Variants in ASCC3 observed in about 807,000 individuals in gnomAD.
ASCC3 encodes activating signal cointegrator 1 complex subunit 3, also known as ASC-1 complex subunit P200.
A neutral mutation model predicts 256.3 loss-of-function variants in ASCC3; 158 were observed. The ratio of observed to expected loss-of-function variants is 0.62; its 90% CI spans 0.54 to 0.70. The LOEUF is 0.70. ASCC3 is among the 30% of genes least tolerant of loss of function. The pLI, the probability that ASCC3 is intolerant of heterozygous loss-of-function variation, is 0.00. For synonymous variants in ASCC3, 948 were observed against 883.4 expected (o/e 1.07, Z -1.30); for missense variants, 2,259 against 2,626.0 (o/e 0.86, Z 3.05).
intron 13 of ASCC3, among the ~76,000 whole-genome samples, chr6:100,705,798 T>G (rs1042285447): frequency 7.2e-5 from 11 of 151,940 alleles, no homozygotes; most frequent in African/African-American, 2.7e-4. Context: ...AATAACAGTT[T>G]ACGTACACAG....
intron 36 of ASCC3, among the ~76,000 whole-genome samples, chr6:100,567,469 G>A (rs897388927): frequency 6.6e-6 from 1 of 152,066 alleles, no homozygotes; most frequent in African/African-American, 2.4e-5. Flanking sequence ...TTTGTTACCT[G>A]GTATACTGTG....
At chr6:100,847,982 A>G in intron 4 of ASCC3, 166 bp downstream of exon 4, 2 of 605,844 alleles carry the variant, frequency 3.3e-6, no homozygotes, top group Non-Finnish European at 5.4e-6. Flanking sequence ...GTAACTATCC[A>G]TTAGGAACGT....
intron 36 of ASCC3, among the ~76,000 whole-genome samples, chr6:100,571,449 C>T (rs1253629110): frequency 6.6e-6 from 1 of 152,064 alleles, no homozygotes; most frequent in African/African-American, 2.4e-5. Flanking sequence ...TATTCTTGGC[C>T]AACTCCACTA....
chr6:100,565,674 G>A (rs1770204575), intron 36 of ASCC3, among the ~76,000 whole-genome samples: 1 of 152,056 alleles, frequency 6.6e-6, no homozygotes, highest in Admixed American at 6.6e-5. Context: ...ATTAACCTGG[G>A]GAGAGAGGAC....
chr6:100,591,227 T>G (rs1771983930), intron 34 of ASCC3, among the ~76,000 whole-genome samples: 1 of 152,186 alleles, frequency 6.6e-6, no homozygotes, highest in Non-Finnish European at 1.5e-5. Flanking sequence ...ACCAAAATTA[T>G]TAACCATTAG....
intron 10 of ASCC3, among the ~76,000 whole-genome samples, chr6:100,732,581 C>T (rs1474174823): frequency 6.6e-6 from 1 of 152,034 alleles, no homozygotes; most frequent in Non-Finnish European, 1.5e-5. Context: ...TAAACTTAAC[C>T]ACAATTTATG....
At chr6:100,807,093 T>C (rs1266086156) in intron 4 of ASCC3, among the ~76,000 whole-genome samples, 1 of 151,878 alleles carries the variant, frequency 6.6e-6, no homozygotes, top group East Asian at 1.9e-4. Context: ...ATTAACACTG[T>C]TGAATATTTT....
chr6:100,778,673 TAATA>T (rs1160702423), intron 8 of ASCC3, among the ~76,000 whole-genome samples: 1 of 152,044 alleles, frequency 6.6e-6, no homozygotes, highest in Non-Finnish European at 1.5e-5. Flanking sequence ...TAACATAACT[TAATA>T]AACAAATTTT....
chr6:100,773,003 C>T (rs2115148003), intron 8 of ASCC3, among the ~76,000 whole-genome samples: 1 of 152,206 alleles, frequency 6.6e-6, no homozygotes, highest in Non-Finnish European at 1.5e-5. Flanking sequence ...GGGCTAAGCA[C>T]AGGAGTCCTT....
intron 30 of ASCC3, among the ~76,000 whole-genome samples, chr6:100,612,423 T>C (rs928747531): frequency 6.6e-6 from 1 of 152,088 alleles, no homozygotes; most frequent in Non-Finnish European, 1.5e-5. Flanking sequence ...TTTCTCATTT[T>C]CACAGAATCC....
In ASCC3 at chr6:100,715,503, A is replaced by G; in HGVS notation, c.2110T>C (p.Cys704Arg). 1.2e-6 allele frequency: 2 copies of G among 1,611,306 alleles called. No homozygotes were observed. The highest frequency in any genetic ancestry group is 1.7e-6 in the Non-Finnish European group (2 of 1,178,184). The change falls in exon 13 of 42, where the codon TGT (cysteine) becomes CGT (arginine). Residue 704 changes from cysteine (C) to arginine (R), a missense_variant. Transcript: ENST00000369162. ...ACTTGCTTCAAAACATTTTCATAAC[A>G]TACTTCATCCATGTTATTCAACTGC... ...MQQLNNMDEV[C>R]YENVLKQVKA...
At chr6:100,533,028 A>C (rs1328545640) in intron 37 of ASCC3, among the ~76,000 whole-genome samples, 1 of 152,012 alleles carries the variant, frequency 6.6e-6, no homozygotes, top group African/African-American at 2.4e-5. Flanking sequence ...ATTTTGAGTT[A>C]TAGTTATTGT....
At chr6:100,859,336 T>G in intron 3 of ASCC3, 1 of 720,502 alleles carries the variant, frequency 1.4e-6, no homozygotes, top group South Asian at 1.5e-5. Context: ...TTTTGCAGTT[T>G]TTCTAGGTAT....
chr6:100,832,686 T>C (rs1771680474), intron 4 of ASCC3, among the ~76,000 whole-genome samples: 1 of 151,922 alleles, frequency 6.6e-6, no homozygotes, highest in Non-Finnish European at 1.5e-5. Flanking sequence ...AATTTAAGAG[T>C]ATGCACCAGA....
At chr6:100,785,723 TATAA>T (rs1769038565) in intron 8 of ASCC3, among the ~76,000 whole-genome samples, 8 of 152,152 alleles carry the variant, frequency 5.3e-5, no homozygotes, top group Non-Finnish European at 8.8e-5. Context: ...ATTTACACTG[TATAA>T]AATACTGACA....
At chr6:100,616,992 CGTTGTTGTTGTTGTTGTT>C in intron 30 of ASCC3, among the ~76,000 whole-genome samples, 1 of 151,208 alleles carries the variant, frequency 6.6e-6, no homozygotes, top group African/African-American at 2.4e-5. Flanking sequence ...TTGTTGTTGT[CGTTGTTGTTGTTGTTGTT>C]GTTGTTGTTG....
intron 7 of ASCC3, 146 bp downstream of exon 7, chr6:100,799,285 C>T: frequency 1.2e-6 from 1 of 856,508 alleles, no homozygotes; most frequent in Non-Finnish European, 1.8e-6. Flanking sequence ...TTACATACAC[C>T]ACATTATGTC....
At chr6:100,731,596 C>G (rs1185537187) in intron 10 of ASCC3, among the ~76,000 whole-genome samples, 1 of 152,196 alleles carries the variant, frequency 6.6e-6, no homozygotes, top group Non-Finnish European at 1.5e-5. Context: ...AGACAGTTTG[C>G]TGTTCACATG....
At chr6:100,538,954 C>T (rs193217568) in intron 37 of ASCC3, among the ~76,000 whole-genome samples, 1 of 152,076 alleles carries the variant, frequency 6.6e-6, no homozygotes, top group African/African-American at 2.4e-5. Context: ...ATTCTTCCCC[C>T]ACCAAAACCG....
Sources: gnomAD v4.1 joint callset for allele counts (sites outside exome capture counted in the v4.1 genomes callset) on GRCh38, gnomAD v4.1.1 for gene constraint, MANE v1.5 for transcripts, NCBI Gene and HGNC (gene_info 2026-07-23, HGNC 2026-07-21) for gene names.